Variants in DRICH1 observed in about 807,000 individuals in gnomAD.
DRICH1 encodes aspartate rich 1, also known as aspartate-rich protein 1.
DRICH1 carries 38 observed loss-of-function variants against 39.5 expected under a neutral mutation model. The observed-to-expected ratio is 0.96, with a 90% CI of 0.74 to 1.26. The LOEUF (loss-of-function observed/expected upper bound fraction) is 1.26. DRICH1 is among the 50% of genes most tolerant of loss of function. DRICH1 has a pLI of 0.00. For missense variants in DRICH1, 279 were observed against 270.4 expected (o/e 1.03, Z -0.22); for synonymous variants, 84 against 99.5 (o/e 0.84, Z 0.93).
At chr22:23,598,690 C>G in the DRICH1 span, among the ~76,000 whole-genome samples, 3 of 152,224 alleles carry the variant, frequency 2.0e-5, no homozygotes, top group Non-Finnish European at 4.4e-5. Flanking sequence ...TTACTCTGCT[C>G]TGAGGCCTCT....
chr22:23,582,254 G>C, the DRICH1 span, among the ~76,000 whole-genome samples: 4 of 148,290 alleles, frequency 2.7e-5, no homozygotes, highest in Non-Finnish European at 4.5e-5. Flanking sequence ...TGGGTTTACA[G>C]GCGTGAGCCA....
chr22:23,605,605 ATCCTGCCCCTGCCTCCAT>A (rs1203571968), downstream of DRICH1, among the ~76,000 whole-genome samples: 2 of 151,888 alleles, frequency 1.3e-5, no homozygotes, highest in Non-Finnish European at 2.9e-5. Context: ...CTCTGTGGAC[ATCCTGCCCCTGCCTCCAT>A]TCCCACCCCT....
downstream of DRICH1, chr22:23,608,427 C>T: frequency 5.1e-6 from 2 of 388,614 alleles, no homozygotes; most frequent in South Asian, 4.8e-5. Context: ...TGGGTCAGAC[C>T]TGATCAGCCA....
At chr22:23,622,601 A>G (rs1927818406) in intron 3 of DRICH1, among the ~76,000 whole-genome samples, 2 of 151,198 alleles carry the variant, frequency 1.3e-5, no homozygotes. Context: ...ACTTAATTAA[A>G]AGTCTATTTT....
At chr22:23,613,515 C>T (rs1183490414) in intron 10 of DRICH1, 124 bp downstream of exon 10, 1 of 916,566 alleles carries the variant, frequency 1.1e-6, no homozygotes, top group African/African-American at 1.6e-5. Flanking sequence ...GAGTTCTATA[C>T]TGGCAGAATC....
At chr22:23,585,548 C>T in the DRICH1 span, among the ~76,000 whole-genome samples, 1 of 151,616 alleles carries the variant, frequency 6.6e-6, no homozygotes, top group South Asian at 2.1e-4. Context: ...TTGAGACAGT[C>T]TCACTGTCAC....
In DRICH1 at chr22:23,612,555, C is replaced by T. The variant is rs147747167; in HGVS notation, c.685+734G>A. 2.2e-3 allele frequency among the ~76,000 whole-genome samples: 319 copies of T among 146,992 alleles called. 1 individual carries two copies. The highest frequency in any genetic ancestry group is 7.2e-3 in the African/African-American group (283 of 39,546). The stretch of plus-strand genomic sequence containing the variant: ...AAAACCAAAGCCAAATTTTTGAAGA[C>T]AGGAAATAGTGTGATACTATCTTTT... On this transcript the variant is annotated intron_variant, in intron 11 of 11. Coordinates refer to ENST00000317749, the MANE Select transcript of DRICH1 (RefSeq NM_016449.4).
chr22:23,615,921 A>G (rs1366323936), intron 8 of DRICH1, among the ~76,000 whole-genome samples: 1 of 152,206 alleles, frequency 6.6e-6, no homozygotes, highest in African/African-American at 2.4e-5. Context: ...CTCTTCCACA[A>G]ATGATGGTAA....
chr22:23,631,244 C>G (rs897004642), intron 1 of DRICH1, among the ~76,000 whole-genome samples: 1 of 151,960 alleles, frequency 6.6e-6, no homozygotes, highest in Non-Finnish European at 1.5e-5. Flanking sequence ...ACAGTGAAAT[C>G]CCGTCTCTAC....
Position 23,614,182 on chromosome 22 carries a change from A to T in DRICH1, c.574T>A (p.Ser192Thr). 6.2e-7 allele frequency: 1 copy of T among 1,613,968 alleles called. No homozygotes were observed. Among genetic ancestry groups the T allele is most frequent in the South Asian group, 1.1e-5 (1 of 91,078 alleles). Residue 192 changes from serine (S) to threonine (T), a missense_variant, in exon 9 of 12, where the codon TCA becomes ACA. Transcript: ENST00000317749. The stretch of plus-strand genomic sequence containing the variant: ...TCTTCTTCATCTTTGTGTCTCAGTG[A>T]GCATCTTAAAAACAGGCTATCTTCA... Reference protein sequence around the residue: ...CSEDSLFLRCSLRHKDEEEED... With the variant: ...CSEDSLFLRCTLRHKDEEEED...
At chr22:23,608,811 A>G in intron 11 of DRICH1, 43 bp from the exon 12 acceptor site, 1 of 1,553,118 alleles carries the variant, frequency 6.4e-7, no homozygotes, top group Non-Finnish European at 8.7e-7. Flanking sequence ...GCAGGCTCCC[A>G]GCTTTGTGCA....
chr22:23,631,940 A>T lies in DRICH1; in HGVS notation c.84T>A (p.Thr28=). 1 of 1,613,812 alleles carries T rather than the reference A, an allele frequency of 6.2e-7. No individual in the cohort carries two copies. The highest frequency in any genetic ancestry group is 1.1e-5 in the South Asian group (1 of 91,044). Reference sequence around the variant, plus strand: ...CAGCAGCCACAGTCTCATAAATATCAGTATCAGATTCATAACAGGGTGCGT... The same window carrying T: ...CAGCAGCCACAGTCTCATAAATATCTGTATCAGATTCATAACAGGGTGCGT... ...GKDAPCYESD[T]DIYETVAAAT... is the part of the protein sequence containing the mutation. The change falls in exon 1 of 12, where the codon ACT becomes ACA. Residue 28 remains threonine (T), a synonymous_variant. Coordinates refer to ENST00000317749, the MANE Select transcript of DRICH1 (RefSeq NM_016449.4).
the DRICH1 span, among the ~76,000 whole-genome samples, chr22:23,591,034 G>A: frequency 3.3e-5 from 5 of 152,168 alleles, no homozygotes; most frequent in Non-Finnish European, 5.9e-5. Context: ...GCATAAGGCT[G>A]TCTACTGTCT....
rs753169253 is a variant in DRICH1, at chr22:23,614,115, C to CA, written c.621+19dup. 5 of 1,556,526 alleles carry CA rather than the reference C, an allele frequency of 3.2e-6. No homozygotes were observed. The South Asian group carries it at 3.4e-5, about 10-fold the overall frequency. ...AGGAAAGCAACATTGCTGTAGAAGACAAAAAAAGGGAGGTCTTACGTGGAT... is the reference window on the plus strand; with the variant it reads ...AGGAAAGCAACATTGCTGTAGAAGACAAAAAAAAGGGAGGTCTTACGTGGAT... On this transcript the variant is annotated intron_variant, in intron 9 of 11. Transcript: ENST00000317749.
chr22:23,586,789 C>T, the DRICH1 span, among the ~76,000 whole-genome samples: 49,544 of 152,014 alleles, frequency 0.33, 8,369 homozygotes, highest in Admixed American at 0.36. Flanking sequence ...AGGTGATCCA[C>T]TCGCCTCAGC....
At chr22:23,599,017 C>T in the DRICH1 span, among the ~76,000 whole-genome samples, 2 of 152,336 alleles carry the variant, frequency 1.3e-5, no homozygotes, top group South Asian at 4.1e-4. Context: ...TAAATGGGAC[C>T]AAGATCCTGA....
At chr22:23,603,429 C>T in the DRICH1 span, among the ~76,000 whole-genome samples, 2 of 151,866 alleles carry the variant, frequency 1.3e-5, no homozygotes, top group African/African-American at 4.8e-5. Context: ...CCCTGGGCCT[C>T]CCTCCTCTAA....
At chr22:23,597,893 C>T in the DRICH1 span, among the ~76,000 whole-genome samples, 26 of 152,108 alleles carry the variant, frequency 1.7e-4, no homozygotes, top group African/African-American at 6.3e-4. Context: ...ATACGCTCCC[C>T]CTCTCCCTGG....
intron 1 of DRICH1, among the ~76,000 whole-genome samples, chr22:23,629,290 C>A (rs529515682): frequency 6.6e-6 from 1 of 152,226 alleles, no homozygotes; most frequent in South Asian, 2.1e-4. Context: ...CCACCCACCT[C>A]GGCCTCCCAA....
Sources: gnomAD v4.1 joint callset for allele counts (sites outside exome capture counted in the v4.1 genomes callset) on GRCh38, gnomAD v4.1.1 for gene constraint, MANE v1.5 for transcripts, NCBI Gene and HGNC (gene_info 2026-07-23, HGNC 2026-07-21) for gene names.